SLC39A11: variants seen among roughly 807,000 people sequenced by gnomAD.
SLC39A11 encodes zinc transporter ZIP11.
A neutral mutation model predicts 36.1 loss-of-function variants in SLC39A11; 33 were observed. That is an observed-to-expected ratio of 0.91 (90% confidence interval 0.69 to 1.22). The LOEUF (loss-of-function observed/expected upper bound fraction) is 1.22. SLC39A11 is among the 50% of genes most tolerant of loss of function. SLC39A11 has a pLI of 0.00. For missense variants in SLC39A11, 432 were observed against 430.3 expected, an observed-to-expected ratio of 1.00 and a Z score of -0.03; for synonymous variants, 166 against 170.3, an observed-to-expected ratio of 0.97 and a Z score of 0.20.
intron 3 of SLC39A11, among the ~76,000 whole-genome samples, chr17:73,061,831 C>T (rs1193802192): frequency 6.6e-6 from 1 of 151,732 alleles, no homozygotes; most frequent in Non-Finnish European, 1.5e-5. Context: ...CCCATCTCTA[C>T]AAAAAAACAC....
intron 5 of SLC39A11, among the ~76,000 whole-genome samples, chr17:72,864,041 C>T (rs1183477834): frequency 6.6e-6 from 1 of 152,142 alleles, no homozygotes; most frequent in Non-Finnish European, 1.5e-5. Context: ...CAAAAAGCAA[C>T]CCAAGACGCC....
intron 6 of SLC39A11, among the ~76,000 whole-genome samples, chr17:72,785,935 T>TAA (rs72061957): frequency 1.3e-5 from 2 of 151,932 alleles, no homozygotes; most frequent in African/African-American, 2.4e-5. Context: ...CGTTTATGCT[T>TAA]AAAAAAAATT....
chr17:72,664,944 T>C (rs2070660366), intron 7 of SLC39A11, among the ~76,000 whole-genome samples: 1 of 152,262 alleles, frequency 6.6e-6, no homozygotes, highest in Non-Finnish European at 1.5e-5. Context: ...TGGTTACTTC[T>C]ACCTTGGGGC....
intron 6 of SLC39A11, among the ~76,000 whole-genome samples, chr17:72,809,481 A>G (rs2077368869): frequency 6.6e-6 from 1 of 152,086 alleles, no homozygotes; most frequent in Non-Finnish European, 1.5e-5. Flanking sequence ...TATGCAGGAC[A>G]TTTCAGCTTG....
intron 7 of SLC39A11, among the ~76,000 whole-genome samples, chr17:72,649,696 T>A (rs529534560): frequency 1.3e-5 from 2 of 148,252 alleles, no homozygotes; most frequent in South Asian, 4.2e-4. Context: ...CAGGCTGGAG[T>A]GCAGTGGCAT....
chr17:72,749,232 G>C (rs2075057190), intron 6 of SLC39A11, among the ~76,000 whole-genome samples: 3 of 152,176 alleles, frequency 2.0e-5, no homozygotes. Context: ...GCTGCTATCT[G>C]TTGCTCCCAA....
intron 6 of SLC39A11, among the ~76,000 whole-genome samples, chr17:72,770,916 C>CT (rs1209602435): frequency 6.6e-6 from 1 of 152,090 alleles, no homozygotes; most frequent in African/African-American, 2.4e-5. Flanking sequence ...GCAGGCAGGC[C>CT]TTCTCATCCA....
At chr17:72,785,095 T>C (rs1429017572) in intron 6 of SLC39A11, among the ~76,000 whole-genome samples, 3 of 152,176 alleles carry the variant, frequency 2.0e-5, no homozygotes, top group African/African-American at 7.2e-5. Context: ...CTTGAACTCC[T>C]GACCTCATGA....
At position 72,779,447 on chromosome 17, in the gene SLC39A11, A is replaced by C. The variant is rs568326146; in HGVS notation, c.602-42728T>G. Reference sequence around the variant, plus strand: ...CTCAAAAAAATAAAAATAAAATAAAATAAAAAAATAAAGAGCATTTGGAGG... The same window carrying C: ...CTCAAAAAAATAAAAATAAAATAAACTAAAAAAATAAAGAGCATTTGGAGG... On this transcript the variant is annotated intron_variant, in intron 6 of 9. Transcript: ENST00000255559. Among the ~76,000 whole-genome samples the C allele has an allele frequency of 9.7e-5, 14 of 143,914 alleles. No homozygotes were observed. The East Asian group carries it at 2.7e-3, about 28-fold the overall frequency. 94.4% of individuals were successfully genotyped at this position (143,914 alleles called of 152,430 possible). A position where few individuals can be genotyped will look rare whatever the true frequency, so the allele number is the denominator to read the frequency against.
intron 6 of SLC39A11, among the ~76,000 whole-genome samples, chr17:72,789,044 T>A (rs2076608601): frequency 6.6e-6 from 1 of 152,070 alleles, no homozygotes; most frequent in African/African-American, 2.4e-5. Context: ...CAAAGGCTTT[T>A]TTTTTTTTTG....
chr17:72,784,484 C>A (rs2144942799), intron 6 of SLC39A11, among the ~76,000 whole-genome samples: 1 of 152,206 alleles, frequency 6.6e-6, no homozygotes, highest in South Asian at 2.1e-4. Context: ...TTTTCTAGGG[C>A]CTCAAACTGC....
chr17:72,927,660 A>T lies in SLC39A11; in HGVS notation c.430+20092T>A, dbSNP rs569714573. Among the ~76,000 whole-genome samples, 10 of 152,328 alleles carry T rather than the reference A, an allele frequency of 6.6e-5. 1 individual carries two copies. In the South Asian group the frequency reaches 2.1e-3, roughly 32 times the overall value. On this transcript the variant is annotated intron_variant, in intron 5 of 9. Coordinates refer to ENST00000255559, the MANE Select transcript of SLC39A11 (RefSeq NM_139177.4). ...CCTCCCCACCCACAAGCATGTTATT[A>T]GTGTGTGCTTCCAATGCATAATTAC...
At chr17:72,675,041 CATCT>C (rs2071195575) in intron 7 of SLC39A11, among the ~76,000 whole-genome samples, 1 of 151,812 alleles carries the variant, frequency 6.6e-6, no homozygotes, top group African/African-American at 2.4e-5. Context: ...AAAGTTTATC[CATCT>C]ATCTGAGAGA....
intron 6 of SLC39A11, among the ~76,000 whole-genome samples, chr17:72,837,360 C>CAAA (rs34639176): frequency 0.012 from 1,117 of 90,788 alleles, 29 homozygotes; most frequent in African/African-American, 0.038. Flanking sequence ...GTATATTGCT[C>CAAA]AAAAAAAAAA....
chr17:72,973,200 G>A (rs1363025201), intron 4 of SLC39A11, among the ~76,000 whole-genome samples: 1 of 151,868 alleles, frequency 6.6e-6, no homozygotes, highest in Non-Finnish European at 1.5e-5. Flanking sequence ...GATTAGGTTT[G>A]ATTAGAAGAA....
intron 5 of SLC39A11, among the ~76,000 whole-genome samples, chr17:72,897,174 T>A (rs1275525442): frequency 7.3e-5 from 11 of 151,620 alleles, no homozygotes; most frequent in African/African-American, 2.7e-4. Flanking sequence ...GGAGCTCCTG[T>A]AGTAATTCAT....
At chr17:72,665,188 C>G (rs2070673005) in intron 7 of SLC39A11, among the ~76,000 whole-genome samples, 1 of 152,098 alleles carries the variant, frequency 6.6e-6, no homozygotes, top group Admixed American at 6.5e-5. Flanking sequence ...CTGCCAACAG[C>G]CATGGGAGTG....
chr17:72,658,612 G>A (rs2070258826), intron 7 of SLC39A11, among the ~76,000 whole-genome samples: 1 of 152,192 alleles, frequency 6.6e-6, no homozygotes, highest in African/African-American at 2.4e-5. Context: ...TGATTGTTAA[G>A]ATTGTTAAGG....
At chr17:73,088,068 G>A (rs2144890314) in intron 2 of SLC39A11, among the ~76,000 whole-genome samples, 1 of 152,276 alleles carries the variant, frequency 6.6e-6, no homozygotes, top group South Asian at 2.1e-4. Context: ...ACTGTGGGAG[G>A]CCGAGGTGGG....
Sources: gnomAD v4.1 joint callset for allele counts (sites outside exome capture counted in the v4.1 genomes callset) on GRCh38, gnomAD v4.1.1 for gene constraint, MANE v1.5 for transcripts, NCBI Gene and HGNC (gene_info 2026-07-23, HGNC 2026-07-21) for gene names.